The following KIAA1217 variants were observed in gnomAD, a reference collection of about 807,000 sequenced individuals.
KIAA1217 encodes KIAA1217, also known as sickle tail protein homolog.
KIAA1217 carries 88 observed loss-of-function variants against 163.9 expected under a neutral mutation model. The observed-to-expected ratio is 0.54, with a 90% CI of 0.45 to 0.64. The LOEUF (loss-of-function observed/expected upper bound fraction) is 0.64. Among genes scored for constraint, KIAA1217 ranks in the 30% least tolerant of loss-of-function variants. KIAA1217 has a pLI of 0.00. For synonymous variants in KIAA1217, 903 were observed against 923.1 expected (o/e 0.98, Z 0.39); for missense variants, 2,372 against 2,475.0 (o/e 0.96, Z 0.88).
In KIAA1217 at chr10:24,062,012, GCTCATAGT is replaced by G. The variant is rs1173612906; in HGVS notation, c.-171+54639_-171+54646del. 2.0e-5 allele frequency among the ~76,000 whole-genome samples: 3 copies of G among 151,946 alleles called. No homozygotes were observed. In the East Asian group the frequency reaches 5.8e-4, roughly 29 times the overall value. On this transcript the variant is annotated intron_variant, in intron 2 of 18. Coordinates refer to the KIAA1217 transcript ENST00000376462. ...CATCTTTATCTGGAACCTCCATGAT[GCTCATAGT>G]GTGTACTTGACTGGATAATTTCAGA...
At chr10:24,436,497 G>A (rs1413195265) in intron 4 of KIAA1217, among the ~76,000 whole-genome samples, 9 of 149,606 alleles carry the variant, frequency 6.0e-5, no homozygotes, top group African/African-American at 2.2e-4. Context: ...TGTGGCTCAC[G>A]CCTGTAATCC....
intron 2 of KIAA1217, among the ~76,000 whole-genome samples, chr10:24,074,703 C>CTT (rs35168053): frequency 0.01 from 1,016 of 99,270 alleles, 5 homozygotes; most frequent in Non-Finnish European, 0.019. Context: ...TCTTCTTCTT[C>CTT]TTTTTTTTTT....
At chr10:24,340,751 C>G (rs930535762) in intron 2 of KIAA1217, among the ~76,000 whole-genome samples, 4 of 152,216 alleles carry the variant, frequency 2.6e-5, no homozygotes, top group African/African-American at 9.6e-5. Context: ...AAAGAACCGT[C>G]TAGACAGCTA....
chr10:24,454,115 T>G (rs2061590043), intron 5 of KIAA1217, among the ~76,000 whole-genome samples: 1 of 152,170 alleles, frequency 6.6e-6, no homozygotes, highest in Admixed American at 6.5e-5. Context: ...GATGTCCAAA[T>G]GAATTCTAAT....
chr10:24,274,432 A>G (rs2077067365), intron 2 of KIAA1217, among the ~76,000 whole-genome samples: 4 of 152,110 alleles, frequency 2.6e-5, no homozygotes, highest in Non-Finnish European at 5.9e-5. Flanking sequence ...GTGGTTAGAA[A>G]TTGTCAAGTT....
At chr10:24,462,566 G>A (rs188480071) in intron 5 of KIAA1217, among the ~76,000 whole-genome samples, 18 of 152,304 alleles carry the variant, frequency 1.2e-4, no homozygotes, top group African/African-American at 3.8e-4. Context: ...GGGAAGCTGG[G>A]TGAGGTTCTT....
chr10:24,147,832 CAAAAAAAAAAAAAAAA>C (rs1176106711), intron 2 of KIAA1217, among the ~76,000 whole-genome samples: 3 of 20,772 alleles, frequency 1.4e-4, no homozygotes, highest in South Asian at 3.7e-3. Flanking sequence ...TACTCTGTCT[CAAAAAAAAAAAAAAAA>C]AAAAAAAAAA....
chr10:24,380,614 C>CAACA (rs1320427757), intron 2 of KIAA1217, among the ~76,000 whole-genome samples: 3 of 145,522 alleles, frequency 2.1e-5, no homozygotes, highest in African/African-American at 5.1e-5. Context: ...TGCACTCTGG[C>CAACA]AATAAATAAA....
intron 2 of KIAA1217, among the ~76,000 whole-genome samples, chr10:24,008,777 C>T (rs1400244085): frequency 6.6e-6 from 1 of 152,192 alleles, no homozygotes; most frequent in Admixed American, 6.6e-5. Context: ...AGCCAGGGAT[C>T]AGACATTCCT....
At chr10:23,876,855 T>C (rs570162354) in intron 1 of KIAA1217, among the ~76,000 whole-genome samples, 1 of 152,078 alleles carries the variant, frequency 6.6e-6, no homozygotes, top group Admixed American at 6.6e-5. Flanking sequence ...TTTACAACTA[T>C]ATTTGATGAC....
intron 3 of KIAA1217, among the ~76,000 whole-genome samples, chr10:24,415,119 T>G (rs887080617): frequency 5.4e-5 from 8 of 149,090 alleles, no homozygotes; most frequent in Non-Finnish European, 1.0e-4. Flanking sequence ...TCTTTTTTTT[T>G]TTTTTTTTTT....
At chr10:24,075,388 T>C (rs2061337523) in intron 2 of KIAA1217, among the ~76,000 whole-genome samples, 1 of 152,178 alleles carries the variant, frequency 6.6e-6, no homozygotes, top group South Asian at 2.1e-4. Flanking sequence ...CCATCATAAC[T>C]GTTTTTACTA....
intron 2 of KIAA1217, chr10:24,239,149 A>C: frequency 5.1e-6 from 5 of 985,378 alleles, no homozygotes; most frequent in Non-Finnish European, 6.0e-6. Context: ...TATAGGCTAC[A>C]AGTAGGTTTT....
At chr10:23,863,474 A>T (rs142152025) in intron 1 of KIAA1217, among the ~76,000 whole-genome samples, 69 of 152,158 alleles carry the variant, frequency 4.5e-4, no homozygotes, top group African/African-American at 1.7e-3. Flanking sequence ...GGCTGGCTTG[A>T]TCTTTTGCTC....
intron 2 of KIAA1217, among the ~76,000 whole-genome samples, chr10:24,130,310 A>G (rs550001408): frequency 6.6e-6 from 1 of 152,318 alleles, no homozygotes; most frequent in East Asian, 1.9e-4. Flanking sequence ...TATTATATAT[A>G]ACTCAAGCAT....
intron 1 of KIAA1217, among the ~76,000 whole-genome samples, chr10:23,779,966 A>C (rs184131324): frequency 6.6e-6 from 1 of 152,340 alleles, no homozygotes; most frequent in East Asian, 1.9e-4. Context: ...AGGCCATGCA[A>C]TATAGCCTAG....
At chr10:24,498,067 G>A (rs1157174580) in intron 8 of KIAA1217, among the ~76,000 whole-genome samples, 1 of 152,098 alleles carries the variant, frequency 6.6e-6, no homozygotes, top group Non-Finnish European at 1.5e-5. Flanking sequence ...CTTGTTTATG[G>A]AAAAGTTCAG....
intron 1 of KIAA1217, among the ~76,000 whole-genome samples, chr10:23,822,336 T>C (rs893681834): frequency 1.6e-4 from 25 of 152,212 alleles, no homozygotes; most frequent in Admixed American, 1.5e-3. Flanking sequence ...TTTTGCCTTA[T>C]ATATGTTTGG....
chr10:24,428,295 C>T (rs927048573), intron 3 of KIAA1217, among the ~76,000 whole-genome samples: 4 of 152,190 alleles, frequency 2.6e-5, no homozygotes, highest in African/African-American at 9.7e-5. Context: ...ACACATCCCA[C>T]GTGGGGCCAA....
Sources: allele counts gnomAD v4.1 joint callset (sites outside exome capture counted in the v4.1 genomes callset), GRCh38; gene constraint gnomAD v4.1.1; transcripts MANE v1.5; gene names NCBI Gene and HGNC (gene_info 2026-07-23, HGNC 2026-07-21).